Variants in IGF2BP2 observed in about 807,000 individuals in gnomAD.
IGF2BP2 encodes the protein insulin like growth factor 2 mRNA binding protein 2.
In IGF2BP2, 17 loss-of-function variants were observed where a neutral mutation model predicts 75.8. The ratio of observed to expected loss-of-function variants is 0.22; its 90% CI spans 0.15 to 0.34. The LOEUF (loss-of-function observed/expected upper bound fraction) is 0.34, where lower values mean the gene tolerates loss of function less well. IGF2BP2 is among the 10% of genes least tolerant of loss of function. The pLI is 1.00. For missense variants in IGF2BP2, 516 were observed against 772.4 expected, an observed-to-expected ratio of 0.67 and a Z score of 3.93; for synonymous variants, 288 against 295.6, an observed-to-expected ratio of 0.97 and a Z score of 0.26.
chr3:185,657,561 C>T (rs756926496), intron 11 of IGF2BP2, among the ~76,000 whole-genome samples, 159 bp from the exon 12 acceptor site: 6 of 152,224 alleles, frequency 3.9e-5, no homozygotes, highest in Admixed American at 3.3e-4. Context: ...CTGCGGCCTG[C>T]GGCTCTGCAG....
At chr3:185,677,068 T>TATATATATATTATATAGAG in intron 7 of IGF2BP2, among the ~76,000 whole-genome samples, 2 of 35,876 alleles carry the variant, frequency 5.6e-5, no homozygotes, top group African/African-American at 3.1e-4. Context: ...TATATATATA[T>TATATATATATTATATAGAG]AGAGAGAGAG....
At position 185,804,212 on chromosome 3, in the gene IGF2BP2, C is replaced by T. The variant is rs1450790706; in HGVS notation, c.239+18941G>A. On this transcript the variant is annotated intron_variant, in intron 2 of 15. Coordinates refer to ENST00000382199, the MANE Select transcript of IGF2BP2 (RefSeq NM_006548.6). Reference sequence around the variant, plus strand: ...CAGAGGTTGCGGTGAGCCGAGATGGCGCCATTGTACTCCAGCCTGGACAAC... The same window carrying T: ...CAGAGGTTGCGGTGAGCCGAGATGGTGCCATTGTACTCCAGCCTGGACAAC... Among the ~76,000 whole-genome samples, 4 of 147,372 alleles carry T rather than the reference C, an allele frequency of 2.7e-5. No homozygotes were observed. In the East Asian group the frequency reaches 6.0e-4, roughly 22 times the overall value.
chr3:185,646,148 A>G (rs78364456), intron 15 of IGF2BP2, among the ~76,000 whole-genome samples: 1 of 152,328 alleles, frequency 6.6e-6, no homozygotes, highest in East Asian at 1.9e-4. Flanking sequence ...CTGTAGGAAC[A>G]GGCTGTTCAG....
At chr3:185,662,508 T>G (rs1577861578) in intron 10 of IGF2BP2, among the ~76,000 whole-genome samples, 1 of 136,408 alleles carries the variant, frequency 7.3e-6, no homozygotes, top group Admixed American at 8.2e-5. Context: ...AAAAAAAAAG[T>G]GTCTTATCAG....
intron 7 of IGF2BP2, among the ~76,000 whole-genome samples, chr3:185,680,044 C>T (rs1167107642): frequency 6.6e-6 from 1 of 151,836 alleles, no homozygotes; most frequent in Non-Finnish European, 1.5e-5. Flanking sequence ...AAAAGATCAA[C>T]CAAACTGACA....
intron 2 of IGF2BP2, among the ~76,000 whole-genome samples, chr3:185,781,367 C>G (rs113250959): frequency 0.026 from 3,916 of 152,266 alleles, 90 homozygotes; most frequent in South Asian, 0.055. Flanking sequence ...AAGGAAGAAT[C>G]TAGTTGTCTG....
intron 2 of IGF2BP2, among the ~76,000 whole-genome samples, chr3:185,706,541 T>C (rs1047758918): frequency 1.3e-5 from 2 of 152,218 alleles, no homozygotes; most frequent in African/African-American, 4.8e-5. Flanking sequence ...AATTCCTCTA[T>C]TGGGTTAGAG....
chr3:185,739,039 A>C lies in IGF2BP2; in HGVS notation c.240-40692T>G, dbSNP rs559517203. Among the ~76,000 whole-genome samples, 224 of 152,346 alleles carry C rather than the reference A, an allele frequency of 1.5e-3. 4 individuals are homozygous for C. Among genetic ancestry groups the C allele is most frequent in the African/African-American group, 5.2e-3 (217 of 41,582 alleles). On this transcript the variant is annotated intron_variant, in intron 2 of 15. Transcript: ENST00000382199. ...AGAAATGATTAATGACATCAGATCA[A>C]TTTTCAAATAATAAAAATATTCCTA...
At chr3:185,759,841 A>C (rs1338862719) in intron 2 of IGF2BP2, among the ~76,000 whole-genome samples, 1 of 152,262 alleles carries the variant, frequency 6.6e-6, no homozygotes, top group Non-Finnish European at 1.5e-5. Flanking sequence ...GATAATATCC[A>C]TTTTAACATT....
chr3:185,700,001 G>C (rs760140502), intron 2 of IGF2BP2, among the ~76,000 whole-genome samples: 4 of 152,110 alleles, frequency 2.6e-5, no homozygotes, highest in Non-Finnish European at 5.9e-5. Context: ...TTAAATGTTA[G>C]AGACGTTGTT....
intron 2 of IGF2BP2, among the ~76,000 whole-genome samples, chr3:185,822,899 G>A (rs1411860130): frequency 6.6e-6 from 1 of 151,790 alleles, no homozygotes; most frequent in Non-Finnish European, 1.5e-5. Context: ...CAGGGTCCCA[G>A]CGAACTGAAC....
intron 2 of IGF2BP2, among the ~76,000 whole-genome samples, chr3:185,772,014 C>A (rs962138615): frequency 6.6e-6 from 1 of 152,154 alleles, no homozygotes; most frequent in East Asian, 1.9e-4. Flanking sequence ...AACTCCTTCA[C>A]AGCAACTCCT....
chr3:185,767,921 C>T (rs977717558), intron 2 of IGF2BP2: 1 of 153,116 alleles, frequency 6.5e-6, no homozygotes, highest in South Asian at 2.1e-4. Flanking sequence ...ACCTAAATAG[C>T]AAGTGTCTTA....
chr3:185,734,955 CTG>C (rs1393237955), intron 2 of IGF2BP2, among the ~76,000 whole-genome samples: 1 of 152,148 alleles, frequency 6.6e-6, no homozygotes, highest in Admixed American at 6.5e-5. Flanking sequence ...CTCCCTCACA[CTG>C]TAATAGCGAA....
intron 10 of IGF2BP2, among the ~76,000 whole-genome samples, chr3:185,671,673 A>AG (rs913913656): frequency 1.3e-5 from 2 of 152,188 alleles, no homozygotes; most frequent in African/African-American, 4.8e-5. Context: ...AGGATGGCAC[A>AG]GGGGATTCAT....
chr3:185,681,473 T>C (rs766724875), intron 7 of IGF2BP2, among the ~76,000 whole-genome samples: 3 of 152,198 alleles, frequency 2.0e-5, no homozygotes, highest in Non-Finnish European at 4.4e-5. Flanking sequence ...TGTTCATGGA[T>C]TGGAATACTT....
At chr3:185,817,692 T>C (rs1259136550) in intron 2 of IGF2BP2, among the ~76,000 whole-genome samples, 1 of 152,222 alleles carries the variant, frequency 6.6e-6, no homozygotes, top group Non-Finnish European at 1.5e-5. Flanking sequence ...TTAATGGTGA[T>C]GATAAATGGG....
chr3:185,691,300 G>A (rs1431470147), intron 5 of IGF2BP2, among the ~76,000 whole-genome samples: 1 of 150,900 alleles, frequency 6.6e-6, no homozygotes, highest in Non-Finnish European at 1.5e-5. Context: ...GTTTCTCCAT[G>A]TTGGTCAGGC....
intron 2 of IGF2BP2, among the ~76,000 whole-genome samples, chr3:185,791,104 T>C (rs1578315719): frequency 6.6e-6 from 1 of 152,226 alleles, no homozygotes; most frequent in Non-Finnish European, 1.5e-5. Context: ...CTAATTATGG[T>C]CCATATTCTC....
Sources: gnomAD v4.1 joint callset for allele counts (sites outside exome capture counted in the v4.1 genomes callset) on GRCh38, gnomAD v4.1.1 for gene constraint, MANE v1.5 for transcripts, NCBI Gene and HGNC (gene_info 2026-07-23, HGNC 2026-07-21) for gene names.